The following HFM1 variants were observed in gnomAD, a reference collection of about 807,000 sequenced individuals.
HFM1 encodes the protein helicase for meiosis 1, also known as probable ATP-dependent DNA helicase HFM1.
Under a neutral mutation model 192.1 loss-of-function variants are expected in HFM1, and 169 were observed. That is an observed-to-expected ratio of 0.88 (90% CI 0.78 to 1.00). The LOEUF (loss-of-function observed/expected upper bound fraction) is 1.00, where lower values mean the gene tolerates loss of function less well. Among genes scored for constraint, HFM1 ranks in the 50% least tolerant of loss-of-function variants. The pLI is 0.00. For synonymous variants in HFM1, 525 were observed against 537.8 expected (o/e 0.98, Z 0.33); for missense variants, 1,661 against 1,668.0 (o/e 1.00, Z 0.07).
intron 30 of HFM1, among the ~76,000 whole-genome samples, chr1:91,288,770 T>G (rs1668326735): frequency 6.6e-6 from 1 of 152,256 alleles, no homozygotes; most frequent in Non-Finnish European, 1.5e-5. Context: ...CTCCTATGTC[T>G]ACTTCTTTCT....
intron 20 of HFM1, chr1:91,328,966 T>C: frequency 6.2e-7 from 1 of 1,612,702 alleles, no homozygotes; most frequent in South Asian, 1.1e-5. Context: ...AACACCTGAC[T>C]GCCAGTGAAG....
chr1:91,394,705 T>C (rs916592437), intron 3 of HFM1, among the ~76,000 whole-genome samples: 1 of 152,134 alleles, frequency 6.6e-6, no homozygotes, highest in Non-Finnish European at 1.5e-5. Flanking sequence ...TAACAAATGA[T>C]ATAATTATAC....
intron 1 of HFM1, 22 bp from the exon 2 acceptor site, chr1:91,401,131 G>A (rs749670495): frequency 1.1e-5 from 11 of 1,008,432 alleles, no homozygotes; most frequent in Non-Finnish European, 1.6e-5. Context: ...GGAAAAAGTA[G>A]TTTATATTTT....
At chr1:91,297,896 A>T (rs1462971748) in intron 30 of HFM1, among the ~76,000 whole-genome samples, 1 of 152,244 alleles carries the variant, frequency 6.6e-6, no homozygotes, top group Non-Finnish European at 1.5e-5. Flanking sequence ...CTCCTCCTCC[A>T]AAGGAACGCA....
rs1660808421 is a variant in HFM1, at chr1:91,375,562, T to C, written c.1561A>G (p.Ile521Val). The C allele has an allele frequency of 6.2e-7, 1 of 1,613,380 alleles. No homozygotes were observed. Among genetic ancestry groups the C allele is most frequent in the Admixed American group, 1.7e-5 (1 of 59,890 alleles). ...LTLNYKIASVIQMYSDQKPTL... is the reference protein window; with the variant it reads ...LTLNYKIASVVQMYSDQKPTL... The stretch of plus-strand genomic sequence containing the variant: ...GGTTTCTGATCAGAGTACATTTGTA[T>C]AACACTGGCAATTTTGTAGTTGAGG... The change falls in exon 12 of 39, where the codon ATA becomes GTA. Residue 521 changes from isoleucine (I) to valine (V), a missense_variant. Coordinates refer to ENST00000370425, the MANE Select transcript of HFM1 (RefSeq NM_001017975.6).
intron 13 of HFM1, among the ~76,000 whole-genome samples, chr1:91,372,308 A>G (rs568982664): frequency 6.6e-6 from 1 of 152,342 alleles, no homozygotes; most frequent in East Asian, 1.9e-4. Context: ...TTGAGGCACT[A>G]TTCACAATAG....
At chr1:91,313,767 C>T (rs990545984) in intron 29 of HFM1, among the ~76,000 whole-genome samples, 190 bp downstream of exon 29, 2 of 152,084 alleles carry the variant, frequency 1.3e-5, no homozygotes, top group Admixed American at 1.3e-4. Flanking sequence ...TTAATTATGT[C>T]ATCTGGTCCA....
intron 30 of HFM1, among the ~76,000 whole-genome samples, chr1:91,290,017 C>G (rs576419880): frequency 1.2e-4 from 19 of 152,024 alleles, no homozygotes; most frequent in African/African-American, 4.3e-4. Context: ...TTTGTCACCA[C>G]CAGGCCTGCC....
At chr1:91,333,899 C>T (rs891982755) in intron 20 of HFM1, among the ~76,000 whole-genome samples, 1 of 152,044 alleles carries the variant, frequency 6.6e-6, no homozygotes, top group African/African-American at 2.4e-5. Flanking sequence ...ATGCTAAGTA[C>T]CTAGACGACA....
chr1:91,289,780 G>T (rs368064363), intron 30 of HFM1, among the ~76,000 whole-genome samples: 1 of 152,156 alleles, frequency 6.6e-6, no homozygotes, highest in African/African-American at 2.4e-5. Context: ...GAATCAGGCA[G>T]GGAGGTTGCA....
chr1:91,336,004 C>T (rs1468112422), intron 20 of HFM1, among the ~76,000 whole-genome samples: 5 of 149,516 alleles, frequency 3.3e-5, no homozygotes, highest in Non-Finnish European at 7.4e-5. Flanking sequence ...AAGCTAAGAT[C>T]CTCCAAGGGC....
intron 30 of HFM1, among the ~76,000 whole-genome samples, chr1:91,311,534 G>A (rs1650451525): frequency 6.6e-6 from 1 of 151,802 alleles, no homozygotes; most frequent in East Asian, 1.9e-4. Context: ...GCAGAGACAG[G>A]AGAATTGCTT....
At chr1:91,293,036 T>G (rs1224213902) in intron 30 of HFM1, among the ~76,000 whole-genome samples, 1 of 152,120 alleles carries the variant, frequency 6.6e-6, no homozygotes, top group Non-Finnish European at 1.5e-5. Context: ...TCCTTACACC[T>G]TATACAAAAA....
intron 34 of HFM1, among the ~76,000 whole-genome samples, chr1:91,273,430 C>T (rs1389168582): frequency 1.3e-5 from 2 of 151,894 alleles, no homozygotes; most frequent in Non-Finnish European, 2.9e-5. Context: ...ACTCTATATA[C>T]CCAAGGATCC....
intron 20 of HFM1, chr1:91,328,832 C>T: frequency 6.2e-7 from 1 of 1,611,216 alleles, no homozygotes; most frequent in Non-Finnish European, 8.5e-7. Flanking sequence ...CATGGGCATC[C>T]CTTACCTTGA....
chr1:91,322,040 G>C (rs771252654), intron 23 of HFM1, among the ~76,000 whole-genome samples: 3 of 152,154 alleles, frequency 2.0e-5, no homozygotes, highest in Non-Finnish European at 4.4e-5. Flanking sequence ...AAAATGAGAG[G>C]ATTGGGCTAT....
Position 91,350,731 on chromosome 1 carries a change from A to G in HFM1, c.2206+7T>C, listed in dbSNP as rs778703230. 1 of 1,610,598 alleles carries G rather than the reference A, an allele frequency of 6.2e-7. No individual in the cohort carries two copies. The highest frequency in any genetic ancestry group is 1.1e-5 in the South Asian group (1 of 90,680). ...AATTACTACTTTTCCAAGTCAAAGT[A>G]ACAAACCATAATGAGATGGATTTTT... On this transcript the variant is annotated splice_region_variant and intron_variant, in intron 18 of 38. Transcript: ENST00000370425.
At chr1:91,271,756 T>A (rs1666321154) in intron 34 of HFM1, among the ~76,000 whole-genome samples, 3 of 151,686 alleles carry the variant, frequency 2.0e-5, no homozygotes. Flanking sequence ...GCTGAAAGAG[T>A]TCATATACTA....
rs1430983322 is a variant in HFM1 at position 91,353,124 on chromosome 1, A to T, written c.1758T>A (p.His586Gln). 1 of 1,610,834 alleles carries T rather than the reference A, an allele frequency of 6.2e-7. No individual in the cohort carries two copies. Among genetic ancestry groups the T allele is most frequent in the Admixed American group, 1.7e-5 (1 of 59,808 alleles). Residue 586 changes from histidine (H) to glutamine (Q), a missense_variant, in exon 15 of 39, where the codon CAT becomes CAA. Coordinates refer to ENST00000370425, the MANE Select transcript of HFM1 (RefSeq NM_001017975.6). ...RDILKDGAAY[H>Q]HAGMELSDRK... is the part of the protein sequence containing the mutation. ...TATCTGACAGCTCCATACCAGCATGATGATAAGCAGCACCATCTTTTAAGA... is the reference window on the plus strand; with the variant it reads ...TATCTGACAGCTCCATACCAGCATGTTGATAAGCAGCACCATCTTTTAAGA...
Sources: gnomAD v4.1 joint callset for allele counts (sites outside exome capture counted in the v4.1 genomes callset) on GRCh38, gnomAD v4.1.1 for gene constraint, MANE v1.5 for transcripts, NCBI Gene and HGNC (gene_info 2026-07-23, HGNC 2026-07-21) for gene names.